The following MRPS28 variants were observed in gnomAD, a reference collection of about 807,000 sequenced individuals.
The protein encoded by MRPS28 is small ribosomal subunit protein bS1m.
Under a neutral mutation model 10.8 loss-of-function variants are expected in MRPS28, and 7 were observed. The observed-to-expected ratio is 0.65, with a 90% CI of 0.37 to 1.22. The LOEUF (loss-of-function observed/expected upper bound fraction) is 1.22, where lower values mean the gene tolerates loss of function less well. MRPS28 is among the 50% of genes most tolerant of loss of function. The probability of loss-of-function intolerance (pLI) is 0.02; values close to 1 mark genes in which losing one functional copy is unlikely to be tolerated. For missense variants in MRPS28, 265 were observed against 232.9 expected, an observed-to-expected ratio of 1.14 and a Z score of -0.90; for synonymous variants, 121 against 93.3, an observed-to-expected ratio of 1.30 and a Z score of -1.71.
At chr8:79,930,915 T>C (rs1806445877) in intron 2 of MRPS28, among the ~76,000 whole-genome samples, 1 of 152,216 alleles carries the variant, frequency 6.6e-6, no homozygotes, top group Non-Finnish European at 1.5e-5. Context: ...ACCATCTCTT[T>C]ATGATTTAAA....
Position 79,919,068 on chromosome 8 carries a change from T to C in MRPS28, c.476A>G (p.Asp159Gly), listed in dbSNP as rs1360798463. 1.2e-6 allele frequency: 2 copies of C among 1,611,776 alleles called. No homozygotes were observed. Among genetic ancestry groups the C allele is most frequent in the East Asian group, 4.5e-5 (2 of 44,822 alleles). Residue 159 changes from aspartate (D) to glycine (G), a missense_variant, in exon 3 of 3, where the codon GAT becomes GGT. By Grantham distance (94) the Asp-to-Gly change is moderately conservative (BLOSUM62 -1). Coordinates refer to ENST00000276585, the MANE Select transcript of MRPS28 (RefSeq NM_014018.3). ...LTSRFLGATT[D>G]TTVLEANAVL... ...TGCATTAGCCTCTAGTACAGTTGTA[T>C]CTGTTGTTGCTCCCAGGAACCTAGA...
At chr8:80,015,020 C>T (rs1009226669) in intron 1 of MRPS28, among the ~76,000 whole-genome samples, 4 of 152,044 alleles carry the variant, frequency 2.6e-5, no homozygotes, top group Non-Finnish European at 5.9e-5. Context: ...GAACCAGTGC[C>T]GAGGTAGGGA....
rs568962208 is a variant in MRPS28, at chr8:79,999,119, A to G, written c.395+3880T>C. On this transcript the variant is annotated intron_variant, in intron 2 of 2. Transcript: ENST00000276585. ...GATTATGTAAATATTTCTCTTATTTATAACAATTTAAAATGTACCAAAGCA... is the reference window on the plus strand; with the variant it reads ...GATTATGTAAATATTTCTCTTATTTGTAACAATTTAAAATGTACCAAAGCA... Among the ~76,000 whole-genome samples the G allele has an allele frequency of 3.3e-5, 5 of 152,350 alleles. No individual in the cohort carries two copies. The East Asian group carries it at 9.6e-4, about 29-fold the overall frequency.
chr8:79,933,910 G>T (rs913390994), intron 2 of MRPS28, among the ~76,000 whole-genome samples: 1 of 152,142 alleles, frequency 6.6e-6, no homozygotes, highest in African/African-American at 2.4e-5. Context: ...ATTATTGTTT[G>T]CACAGTTCAT....
intron 2 of MRPS28, among the ~76,000 whole-genome samples, chr8:79,936,570 G>T (rs1404240007): frequency 6.6e-6 from 1 of 152,062 alleles, no homozygotes; most frequent in Non-Finnish European, 1.5e-5. Flanking sequence ...ATTTAAAACA[G>T]AAACAATTTA....
At chr8:79,922,736 T>A (rs1810128583) in intron 2 of MRPS28, among the ~76,000 whole-genome samples, 2 of 152,104 alleles carry the variant, frequency 1.3e-5, no homozygotes, top group Non-Finnish European at 2.9e-5. Flanking sequence ...CCTCAATCAA[T>A]TATTTTAAAA....
chr8:80,021,957 C>T (rs1362854674), intron 1 of MRPS28, among the ~76,000 whole-genome samples: 1 of 152,148 alleles, frequency 6.6e-6, no homozygotes, highest in African/African-American at 2.4e-5. Context: ...CAGATTTCAC[C>T]AGTTATACAC....
At chr8:80,020,055 A>G (rs1809312107) in intron 1 of MRPS28, among the ~76,000 whole-genome samples, 1 of 152,208 alleles carries the variant, frequency 6.6e-6, no homozygotes, top group Non-Finnish European at 1.5e-5. Flanking sequence ...TCAGTCCAGA[A>G]AGGCAGGAGA....
intron 2 of MRPS28, among the ~76,000 whole-genome samples, chr8:79,962,918 T>C (rs904416575): frequency 3.9e-5 from 6 of 152,104 alleles, no homozygotes; most frequent in African/African-American, 1.4e-4. Context: ...CTTATTAACA[T>C]AATTGATAGC....
intron 2 of MRPS28, among the ~76,000 whole-genome samples, chr8:79,947,056 C>G (rs1316064311): frequency 6.6e-6 from 1 of 152,032 alleles, no homozygotes; most frequent in Non-Finnish European, 1.5e-5. Flanking sequence ...CCAAAATAGT[C>G]AAAGTAATAA....
chr8:79,947,459 G>C (rs923016458), intron 2 of MRPS28, among the ~76,000 whole-genome samples: 3 of 151,794 alleles, frequency 2.0e-5, no homozygotes, highest in Admixed American at 6.6e-5. Context: ...CTATGATTTT[G>C]ACTGAGATTA....
chr8:79,919,946 C>CTCCCCT (rs1810036676), intron 2 of MRPS28, among the ~76,000 whole-genome samples: 2 of 119,028 alleles, frequency 1.7e-5, no homozygotes, highest in Non-Finnish European at 3.4e-5. Context: ...ATCCCTCCCC[C>CTCCCCT]CACCCCATAA....
chr8:79,959,524 TAA>T (rs1807315215), intron 2 of MRPS28, among the ~76,000 whole-genome samples: 1 of 152,120 alleles, frequency 6.6e-6, no homozygotes, highest in Non-Finnish European at 1.5e-5. Context: ...GGTACAACTT[TAA>T]ATGAAAGGGA....
At chr8:79,921,068 T>C (rs575663012) in intron 2 of MRPS28, among the ~76,000 whole-genome samples, 1 of 152,330 alleles carries the variant, frequency 6.6e-6, no homozygotes, top group Non-Finnish European at 1.5e-5. Flanking sequence ...ATTGCTTGTT[T>C]TTGTCAGGTT....
chr8:79,978,141 T>C (rs1807851672), intron 2 of MRPS28, among the ~76,000 whole-genome samples: 2 of 152,178 alleles, frequency 1.3e-5, no homozygotes, highest in Non-Finnish European at 2.9e-5. Context: ...CAGCTTATGG[T>C]TGACAATGGT....
chr8:79,920,111 G>A (rs987308544), intron 2 of MRPS28, among the ~76,000 whole-genome samples: 1 of 152,046 alleles, frequency 6.6e-6, no homozygotes, highest in Non-Finnish European at 1.5e-5. Flanking sequence ...CCCTACAAAG[G>A]ACATGAACTC....
intron 2 of MRPS28, among the ~76,000 whole-genome samples, chr8:79,955,776 C>T (rs1807190980): frequency 6.6e-6 from 1 of 152,264 alleles, no homozygotes; most frequent in East Asian, 1.9e-4. Flanking sequence ...AATTTCAAAA[C>T]AAAGGTTTTG....
intron 2 of MRPS28, among the ~76,000 whole-genome samples, chr8:79,943,481 T>G (rs1370424727): frequency 6.6e-6 from 1 of 152,196 alleles, no homozygotes. Flanking sequence ...TTTCAGTAAA[T>G]TAAGCAATAA....
chr8:79,972,427 C>T (rs374171848), intron 2 of MRPS28, among the ~76,000 whole-genome samples: 22 of 152,214 alleles, frequency 1.4e-4, no homozygotes, highest in African/African-American at 4.6e-4. Flanking sequence ...TTTTGGCTAT[C>T]GTGACTAATG....
Sources: gnomAD v4.1 joint callset for allele counts (sites outside exome capture counted in the v4.1 genomes callset) on GRCh38, gnomAD v4.1.1 for gene constraint, MANE v1.5 for transcripts, NCBI Gene and HGNC (gene_info 2026-07-23, HGNC 2026-07-21) for gene names.